Variants in ANK3 observed in about 807,000 individuals in gnomAD.
ANK3 encodes ankyrin 3.
In ANK3, 57 loss-of-function variants were observed where a neutral mutation model predicts 370.9. That is an observed-to-expected ratio of 0.15 (90% CI 0.12 to 0.19). ANK3 has a LOEUF of 0.19. Ranked by LOEUF, ANK3 falls within the 10% of genes least tolerant of loss-of-function variation. ANK3 has a pLI of 1.00. For missense variants in ANK3, 4,439 were observed against 5,302.1 expected, an observed-to-expected ratio of 0.84 and a Z score of 5.06; for synonymous variants, 1,929 against 1,946.3, an observed-to-expected ratio of 0.99 and a Z score of 0.23.
chr10:60,434,140 G>A (rs1376488674), intron 2 of ANK3, among the ~76,000 whole-genome samples: 1 of 152,072 alleles, frequency 6.6e-6, no homozygotes, highest in African/African-American at 2.4e-5. Context: ...AAACCTCTAT[G>A]GAATATCAAA....
intron 2 of ANK3, among the ~76,000 whole-genome samples, chr10:60,487,641 C>T (rs1202177183): frequency 1.3e-5 from 2 of 151,908 alleles, no homozygotes; most frequent in Non-Finnish European, 2.9e-5. Flanking sequence ...TGGTAAATCC[C>T]AAGAGTCTCT....
chr10:60,438,327 C>T (rs1360129801), intron 2 of ANK3, among the ~76,000 whole-genome samples: 1 of 151,916 alleles, frequency 6.6e-6, no homozygotes, highest in African/African-American at 2.4e-5. Context: ...AATGAGAACT[C>T]CGTTGTCTGA....
chr10:60,170,149 C>A (rs561611512), intron 21 of ANK3, among the ~76,000 whole-genome samples: 10 of 152,264 alleles, frequency 6.6e-5, no homozygotes, highest in Admixed American at 5.2e-4. Flanking sequence ...CAATTCACAT[C>A]TTTTGAATAT....
intron 8 of ANK3, among the ~76,000 whole-genome samples, chr10:60,214,234 G>T (rs892456065): frequency 1.3e-5 from 2 of 152,078 alleles, no homozygotes; most frequent in African/African-American, 4.8e-5. Context: ...ATAAGACAGG[G>T]TTCAGCATCA....
intron 2 of ANK3, among the ~76,000 whole-genome samples, chr10:60,483,020 G>A (rs1365590651): frequency 2.0e-5 from 3 of 152,218 alleles, no homozygotes; most frequent in Non-Finnish European, 2.9e-5. Context: ...CGTGCTTAAT[G>A]TGGATATGTC....
chr10:60,594,599 CT>C (rs2077961325), intron 2 of ANK3, among the ~76,000 whole-genome samples: 1 of 151,114 alleles, frequency 6.6e-6, no homozygotes, highest in Non-Finnish European at 1.5e-5. Flanking sequence ...GGATATATGC[CT>C]ATTTTTACAC....
intron 2 of ANK3, among the ~76,000 whole-genome samples, chr10:60,447,954 G>A (rs2064494613): frequency 6.6e-6 from 1 of 152,072 alleles, no homozygotes; most frequent in South Asian, 2.1e-4. Flanking sequence ...ACAAATATAG[G>A]GACCCTTAAA....
intron 17 of ANK3, 170 bp downstream of exon 17, chr10:60,186,545 G>A: frequency 1.3e-6 from 1 of 754,122 alleles, no homozygotes; most frequent in South Asian, 1.5e-5. Flanking sequence ...TGTTTAAACA[G>A]ATTGTTTCCA....
intron 2 of ANK3, among the ~76,000 whole-genome samples, chr10:60,470,605 C>T (rs2065193270): frequency 6.6e-6 from 1 of 151,980 alleles, no homozygotes; most frequent in African/African-American, 2.4e-5. Flanking sequence ...GACAATCACC[C>T]CCGTGGCTGG....
chr10:60,528,361 C>G (rs894066569), intron 2 of ANK3, among the ~76,000 whole-genome samples: 5 of 151,952 alleles, frequency 3.3e-5, no homozygotes, highest in Non-Finnish European at 7.4e-5. Flanking sequence ...GTCTTGAACT[C>G]CCAACCTCAG....
At chr10:60,128,161 CCCAA>C (rs2093868673) in intron 25 of ANK3, among the ~76,000 whole-genome samples, 2 of 152,018 alleles carry the variant, frequency 1.3e-5, no homozygotes, top group Non-Finnish European at 2.9e-5. Context: ...GGTTCTGTGG[CCCAA>C]CCAAGAATAC....
At chr10:60,554,015 G>A (rs770597141) in intron 2 of ANK3, among the ~76,000 whole-genome samples, 1 of 152,058 alleles carries the variant, frequency 6.6e-6, no homozygotes, top group African/African-American at 2.4e-5. Flanking sequence ...TAGATTTCTG[G>A]CTTTTCTTAA....
intron 2 of ANK3, among the ~76,000 whole-genome samples, chr10:60,395,764 T>C (rs2063225442): frequency 6.6e-6 from 1 of 152,092 alleles, no homozygotes; most frequent in Non-Finnish European, 1.5e-5. Context: ...GGTCACTGTG[T>C]TCAGCACCAG....
At position 60,075,314 on chromosome 10, in the gene ANK3, A is replaced by G. The variant is rs780320142; in HGVS notation, c.5567T>C (p.Ile1856Thr). The change falls in exon 37 of 44, where the codon ATT (isoleucine) becomes ACT (threonine). Residue 1856 changes from isoleucine to threonine, a missense_variant. By Grantham distance (89) the Ile-to-Thr change is moderately conservative. Transcript: ENST00000280772. Reference protein sequence around the residue: ...TKSAAALLSPIKTLTTETHPQ... With the variant: ...TKSAAALLSPTKTLTTETHPQ... ...ATGTGTCTCCGTAGTCAATGTTTTA[A>G]TGGGTGACAGCAAGGCTGCTGCTGA... 1.2e-6 allele frequency: 2 copies of G among 1,614,152 alleles called. No homozygotes were observed. Among genetic ancestry groups the G allele is most frequent in the Non-Finnish European group, 8.5e-7 (1 of 1,180,020 alleles).
intron 18 of ANK3, among the ~76,000 whole-genome samples, chr10:60,176,062 G>T (rs1255595490): frequency 1.3e-5 from 2 of 151,958 alleles, no homozygotes; most frequent in African/African-American, 4.8e-5. Flanking sequence ...GCCGGGTGTG[G>T]TGGCTCACGC....
chr10:60,639,433 A>T (rs10994446), intron 1 of ANK3, among the ~76,000 whole-genome samples: 1 of 150,760 alleles, frequency 6.6e-6, no homozygotes, highest in African/African-American at 2.4e-5. Context: ...AAATATAAGA[A>T]GTAATTTTAA....
chr10:60,551,773 A>C (rs2077093587), intron 2 of ANK3, among the ~76,000 whole-genome samples: 1 of 152,180 alleles, frequency 6.6e-6, no homozygotes. Context: ...CATGTAAAAC[A>C]GGAAGATAAT....
chr10:60,583,497 C>A (rs2077783877), intron 2 of ANK3, among the ~76,000 whole-genome samples: 9 of 147,430 alleles, frequency 6.1e-5, no homozygotes, highest in African/African-American at 7.5e-5. Flanking sequence ...ATATAGCTTA[C>A]AGAGAGGTTT....
intron 2 of ANK3, among the ~76,000 whole-genome samples, chr10:60,510,799 G>A (rs866574953): frequency 5.3e-5 from 8 of 152,048 alleles, no homozygotes; most frequent in Middle Eastern, 6.8e-3. Context: ...CAGCCTGGGC[G>A]ACAGAGAAAG....
Sources: gnomAD v4.1 joint callset for allele counts (sites outside exome capture counted in the v4.1 genomes callset) on GRCh38, gnomAD v4.1.1 for gene constraint, MANE v1.5 for transcripts, NCBI Gene and HGNC (gene_info 2026-07-23, HGNC 2026-07-21) for gene names.